PARD3: variants seen among roughly 807,000 people sequenced by gnomAD.
PARD3 encodes the protein partitioning defective 3 homolog.
PARD3 carries 75 observed loss-of-function variants against 155.4 expected under a neutral mutation model. The ratio of observed to expected loss-of-function variants is 0.48; its 90% CI spans 0.40 to 0.58. PARD3 has a LOEUF of 0.58. PARD3 is among the 20% of genes least tolerant of loss of function. PARD3 has a pLI of 0.00. For missense variants in PARD3, 1,642 were observed against 1,721.7 expected (o/e 0.95, Z 0.82); for synonymous variants, 576 against 610.5 (o/e 0.94, Z 0.83).
rs773965 is a variant in PARD3 at position 34,442,553 on chromosome 10, C to T, written c.714+7764G>A. Among the ~76,000 whole-genome samples, 804 of 152,252 alleles carry T rather than the reference C, an allele frequency of 5.3e-3. 7 individuals carry two copies. The highest frequency in any genetic ancestry group is 0.018 in the African/African-American group (765 of 41,518). On this transcript the variant is annotated intron_variant, in intron 5 of 24. Coordinates refer to ENST00000374788, the MANE Select transcript of PARD3 (RefSeq NM_001184785.2). ...GCCAACCTGGGCAACATTTAAAAGG[C>T]CTCACATTCGTTAAAAAAAAAGAAA... is the stretch of plus-strand genomic sequence containing the variant.
intron 10 of PARD3, among the ~76,000 whole-genome samples, chr10:34,377,586 T>A (rs1455440672): frequency 1.3e-5 from 2 of 151,712 alleles, no homozygotes; most frequent in Non-Finnish European, 2.9e-5. Context: ...CGAGACTCCA[T>A]CTCATAAAAA....
chr10:34,344,096 G>T (rs1276904045), intron 15 of PARD3: 7 of 964,222 alleles, frequency 7.3e-6, no homozygotes, highest in Non-Finnish European at 8.6e-6. Context: ...TTCTAAAATG[G>T]ATACAACAGA....
chr10:34,518,406 G>C (rs1057137075), intron 2 of PARD3, among the ~76,000 whole-genome samples: 4 of 152,144 alleles, frequency 2.6e-5, no homozygotes, highest in African/African-American at 9.7e-5. Context: ...AAAAATGGTT[G>C]ATTTCAGGGC....
At chr10:34,192,193 G>C (rs1950742188) in intron 22 of PARD3, among the ~76,000 whole-genome samples, 1 of 151,508 alleles carries the variant, frequency 6.6e-6, no homozygotes, top group Non-Finnish European at 1.5e-5. Flanking sequence ...TTAGCCTCCT[G>C]AGTAGTTGGG....
At chr10:34,629,929 A>T (rs533539392) in intron 2 of PARD3, among the ~76,000 whole-genome samples, 12 of 152,334 alleles carry the variant, frequency 7.9e-5, no homozygotes, top group Middle Eastern at 3.4e-3. Flanking sequence ...GTAGATATTT[A>T]TCTAAGTATC....
At chr10:34,584,843 T>C (rs1456617408) in intron 2 of PARD3, among the ~76,000 whole-genome samples, 1 of 152,184 alleles carries the variant, frequency 6.6e-6, no homozygotes, top group South Asian at 2.1e-4. Context: ...TAAAACACTT[T>C]AGGCTCATTA....
rs1468845042 is a variant in PARD3 at position 34,776,833 on chromosome 10, TG to T, written c.120+38042del. 1.9e-3 allele frequency among the ~76,000 whole-genome samples: 19 copies of T among 9,918 alleles called. 1 individual carries two copies. The highest frequency in any genetic ancestry group is 4.6e-3 in the Admixed American group (4 of 872). 6.5% of individuals were successfully genotyped at this position (9,918 alleles called of 152,430 possible). On this transcript the variant is annotated intron_variant, in intron 1 of 24. Transcript: ENST00000374788. Reference sequence around the variant, plus strand: ...CCAAGTATTTTCAGTCGTGTTTTTTTGTGGGGGGGGGGGGCGGGTGGGGGAT... The same window carrying T: ...CCAAGTATTTTCAGTCGTGTTTTTTTTGGGGGGGGGGGGCGGGTGGGGGAT...
chr10:34,272,246 G>T (rs998446343), intron 21 of PARD3, among the ~76,000 whole-genome samples: 3 of 152,078 alleles, frequency 2.0e-5, no homozygotes, highest in Non-Finnish European at 4.4e-5. Context: ...CTAGTGCGTG[G>T]AGAAGGGTTT....
chr10:34,183,856 C>A lies in PARD3; in HGVS notation c.3420-52273G>T, dbSNP rs555249995. Among the ~76,000 whole-genome samples the A allele has an allele frequency of 9.2e-5, 14 of 152,316 alleles. No homozygotes were observed. In the South Asian group the frequency reaches 2.7e-3, roughly 29 times the overall value. ...TCCTTAAAACCACTCCACGTATGTACGTGTCGTTAATCCTATCGGCATGAA... is the reference window on the plus strand; with the variant it reads ...TCCTTAAAACCACTCCACGTATGTAAGTGTCGTTAATCCTATCGGCATGAA... On this transcript the variant is annotated intron_variant, in intron 22 of 24. Coordinates refer to ENST00000374788, the MANE Select transcript of PARD3 (RefSeq NM_001184785.2).
chr10:34,371,516 AAAAAAAAAAAAAAAAAC>A (rs1840635145), intron 12 of PARD3, among the ~76,000 whole-genome samples: 12 of 88,478 alleles, frequency 1.4e-4, no homozygotes, highest in African/African-American at 4.5e-4. Context: ...AAAAAAAAAA[AAAAAAAAAAAAAAAAAC>A]AACGAAGGAA....
intron 22 of PARD3, among the ~76,000 whole-genome samples, chr10:34,268,794 G>A (rs575178003): frequency 6.6e-6 from 1 of 152,278 alleles, no homozygotes; most frequent in Non-Finnish European, 1.5e-5. Context: ...GGGGGGAGGG[G>A]TGAGGGAAAG....
intron 7 of PARD3, among the ~76,000 whole-genome samples, chr10:34,394,589 G>C (rs1843147207): frequency 6.6e-6 from 1 of 152,156 alleles, no homozygotes; most frequent in Non-Finnish European, 1.5e-5. Context: ...GCCTCCAAAA[G>C]TACTGGGATT....
intron 3 of PARD3, among the ~76,000 whole-genome samples, chr10:34,470,495 T>A (rs1008516195): frequency 6.6e-6 from 1 of 152,206 alleles, no homozygotes; most frequent in Non-Finnish European, 1.5e-5. Flanking sequence ...GGTTTGTACT[T>A]GGACTTCACT....
At chr10:34,814,853 C>G (rs1170254369) in intron 1 of PARD3, 23 bp downstream of exon 1, 6 of 1,467,578 alleles carry the variant, frequency 4.1e-6, no homozygotes, top group African/African-American at 1.5e-5. Context: ...GCCCCCTCCC[C>G]GCCCGCGCCC....
chr10:34,709,273 A>T (rs961774827), intron 1 of PARD3, among the ~76,000 whole-genome samples: 2 of 152,216 alleles, frequency 1.3e-5, no homozygotes, highest in African/African-American at 4.8e-5. Context: ...CACGAAACCA[A>T]GTTTGTATTA....
chr10:34,501,417 A>C (rs1270272981), intron 3 of PARD3, among the ~76,000 whole-genome samples: 1 of 152,138 alleles, frequency 6.6e-6, no homozygotes, highest in Non-Finnish European at 1.5e-5. Flanking sequence ...CCTAGATGCC[A>C]AGCAGATGCC....
intron 2 of PARD3, among the ~76,000 whole-genome samples, chr10:34,680,613 TAAAG>T (rs1173529700): frequency 1.3e-5 from 2 of 148,976 alleles, no homozygotes; most frequent in Non-Finnish European, 3.0e-5. Flanking sequence ...GGGGGAAAGA[TAAAG>T]AAAGAAAACG....
At chr10:34,777,396 A>G (rs1839716166) in intron 1 of PARD3, among the ~76,000 whole-genome samples, 2 of 152,032 alleles carry the variant, frequency 1.3e-5, no homozygotes, top group Non-Finnish European at 2.9e-5. Flanking sequence ...CTGCAGCCCC[A>G]TGTCCTCACA....
intron 3 of PARD3, among the ~76,000 whole-genome samples, chr10:34,485,231 G>A (rs1413630790): frequency 5.9e-5 from 9 of 152,148 alleles, no homozygotes; most frequent in East Asian, 1.9e-4. Context: ...CCAGCTACTC[G>A]GGAGGCTGAG....
Sources: allele counts gnomAD v4.1 joint callset (sites outside exome capture counted in the v4.1 genomes callset), GRCh38; gene constraint gnomAD v4.1.1; transcripts MANE v1.5; gene names NCBI Gene and HGNC (gene_info 2026-07-23, HGNC 2026-07-21).